CBFB: variants seen among roughly 807,000 people sequenced by gnomAD.
CBFB encodes CBF-beta.
A neutral mutation model predicts 30.4 loss-of-function variants in CBFB; 9 were observed. That is an observed-to-expected ratio of 0.30 (90% CI 0.18 to 0.52). The LOEUF is 0.52. Ranked by LOEUF, CBFB falls within the 20% of genes least tolerant of loss-of-function variation. The pLI is 0.97. For missense variants in CBFB, 170 were observed against 244.0 expected, an observed-to-expected ratio of 0.70 and a Z score of 2.02; for synonymous variants, 94 against 84.0, an observed-to-expected ratio of 1.12 and a Z score of -0.65.
At chr16:67,094,609 T>C (rs1277214709) in intron 5 of CBFB, among the ~76,000 whole-genome samples, 1 of 152,238 alleles carries the variant, frequency 6.6e-6, no homozygotes, top group African/African-American at 2.4e-5. Context: ...AGTAGTGATT[T>C]ATAAATATAT....
chr16:67,036,499 G>C (rs1966441963), intron 2 of CBFB, 140 bp from the exon 3 acceptor site: 1 of 573,530 alleles, frequency 1.7e-6, no homozygotes, highest in Non-Finnish European at 3.2e-6. Flanking sequence ...GAAAAATGAT[G>C]AGTGCATGTT....
chr16:67,030,455 T>G (rs1014351412), intron 2 of CBFB, among the ~76,000 whole-genome samples: 7 of 152,044 alleles, frequency 4.6e-5, no homozygotes, highest in African/African-American at 1.7e-4. Flanking sequence ...GGTCCTTGTT[T>G]TAGGAGGCAG....
chr16:67,062,332 C>A (rs1960935627), intron 3 of CBFB, among the ~76,000 whole-genome samples: 1 of 150,848 alleles, frequency 6.6e-6, no homozygotes, highest in Admixed American at 6.6e-5. Context: ...CCACGCCTGG[C>A]TAATTTTTGT....
At chr16:67,029,519 A>C (rs746278315) in intron 1 of CBFB, 34 bp downstream of exon 1, 1 of 1,561,984 alleles carries the variant, frequency 6.4e-7, no homozygotes, top group Admixed American at 1.8e-5. Flanking sequence ...AGGAGGCCGC[A>C]GCGCGCCCCG....
chr16:67,067,403 A>G (rs1008068590), intron 4 of CBFB, among the ~76,000 whole-genome samples: 1 of 152,182 alleles, frequency 6.6e-6, no homozygotes, highest in African/African-American at 2.4e-5. Flanking sequence ...CTGTAATCCC[A>G]GCTACTTGGG....
chr16:67,033,316 C>T (rs1269015955), intron 2 of CBFB, among the ~76,000 whole-genome samples: 1 of 152,180 alleles, frequency 6.6e-6, no homozygotes, highest in Admixed American at 6.5e-5. Flanking sequence ...AAAGTGAACA[C>T]AGGTCGAAGA....
At chr16:67,094,616 A>G (rs1025006755) in intron 5 of CBFB, among the ~76,000 whole-genome samples, 2 of 152,230 alleles carry the variant, frequency 1.3e-5, no homozygotes, top group African/African-American at 2.4e-5. Context: ...ATTTATAAAT[A>G]TATAATTAGG....
At chr16:67,082,159 T>G (rs963921786) in intron 4 of CBFB, 54 bp from the exon 5 acceptor site, 355 of 1,364,986 alleles carry the variant, frequency 2.6e-4, no homozygotes, top group Non-Finnish European at 3.4e-4. Context: ...AACCCAAATA[T>G]TGTATTTTTT....
At chr16:67,093,348 C>T (rs1304413754) in intron 5 of CBFB, 1 of 149,032 alleles carries the variant, frequency 6.7e-6, no homozygotes, top group East Asian at 1.9e-4. Flanking sequence ...GGGAATTTTC[C>T]CATGAAGAGT....
chr16:67,092,696 A>ATT lies in CBFB; in HGVS notation c.496-6013_496-6012insTT, dbSNP rs1162307047. 1.8e-4 allele frequency among the ~76,000 whole-genome samples: 17 copies of ATT among 94,680 alleles called. 1 individual carries two copies. The highest frequency in any genetic ancestry group is 7.2e-4 in the South Asian group (2 of 2,780). 62.1% of individuals were successfully genotyped at this position (94,680 alleles called of 152,430 possible). On this transcript the variant is annotated intron_variant, in intron 5 of 5. Coordinates refer to ENST00000412916, the MANE Select transcript of CBFB (RefSeq NM_022845.3). Reference sequence around the variant, plus strand: ...ACCCAGGCTAGGTTACAGTGGTGCAATCTTTTTTTTTTTTTTTTTTTTTTT... The same window carrying ATT: ...ACCCAGGCTAGGTTACAGTGGTGCAATTTCTTTTTTTTTTTTTTTTTTTTTTT...
Position 67,066,664 on chromosome 16 carries a change from T to C in CBFB, c.283-18T>C. On this transcript the variant is annotated intron_variant, in intron 3 of 5. Coordinates refer to ENST00000412916, the MANE Select transcript of CBFB (RefSeq NM_022845.3). ...GTCTGATGGTTTTCAATTATTTTCA[T>C]CCTTTTCTGTGTCTTAGGTATATTT... 1 of 1,320,882 alleles carries C rather than the reference T, an allele frequency of 7.6e-7. No homozygotes were observed. The highest frequency in any genetic ancestry group is 1.1e-6 in the Non-Finnish European group (1 of 917,326). 81.8% of individuals were successfully genotyped at this position (1,320,882 alleles called of 1,614,324 possible).
intron 4 of CBFB, among the ~76,000 whole-genome samples, chr16:67,077,505 C>T (rs575148246): frequency 2.6e-5 from 4 of 152,162 alleles, no homozygotes; most frequent in Non-Finnish European, 5.9e-5. Flanking sequence ...TTTGCAGCTG[C>T]ACATACTGAT....
intron 4 of CBFB, among the ~76,000 whole-genome samples, chr16:67,074,153 G>A (rs1449846139): frequency 3.5e-5 from 5 of 143,186 alleles, no homozygotes; most frequent in Non-Finnish European, 7.5e-5. Context: ...GGCATTAGAT[G>A]TAATACAAGG....
Position 67,100,202 on chromosome 16 carries a change from T to C in CBFB, c.*1424T>C, listed in dbSNP as rs1962179092. The C allele has an allele frequency of 4.7e-6, 1 of 213,312 alleles. No homozygotes were observed. Among genetic ancestry groups the C allele is most frequent in the African/African-American group, 2.3e-5 (1 of 44,290 alleles). The allele number at this position is 213,312 out of a possible 1,614,324, so 13.2% of individuals were successfully genotyped here. A position where few individuals can be genotyped will look rare whatever the true frequency, so the allele number is the denominator to read the frequency against. On this transcript the variant is annotated 3_prime_UTR_variant, in exon 6 of 6. Coordinates refer to ENST00000412916, the MANE Select transcript of CBFB (RefSeq NM_022845.3). Reference sequence around the variant, plus strand: ...AAATGTATTTTATCATTAAATGGCATTATTTTAAAGGGTGAAAAACTGACA... The same window carrying C: ...AAATGTATTTTATCATTAAATGGCACTATTTTAAAGGGTGAAAAACTGACA...
In CBFB at chr16:67,066,753, A is replaced by G; in HGVS notation, c.354A>G (p.Arg118=). 3 of 1,610,462 alleles carry G rather than the reference A, an allele frequency of 1.9e-6. No individual in the cohort carries two copies. The highest frequency in any genetic ancestry group is 2.5e-6 in the Non-Finnish European group (3 of 1,178,732). ...VIWKGWIDLQ[R]LDGMGCLEFD... The stretch of plus-strand genomic sequence containing the variant: ...GGAAAGGCTGGATTGATCTCCAAAG[A>G]CTGGATGGTATGGGCTGTCTGGAGT... Residue 118 remains arginine (R), a synonymous_variant, in exon 4 of 6, where the codon AGA becomes AGG. Transcript: ENST00000412916.
At chr16:67,038,177 A>G (rs140581507) in intron 3 of CBFB, among the ~76,000 whole-genome samples, 1 of 151,990 alleles carries the variant, frequency 6.6e-6, no homozygotes, top group Non-Finnish European at 1.5e-5. Flanking sequence ...CAACTTACTA[A>G]ATTAATTTTC....
At chr16:67,084,672 A>G (rs1294836140) in intron 5 of CBFB, among the ~76,000 whole-genome samples, 1 of 152,228 alleles carries the variant, frequency 6.6e-6, no homozygotes, top group East Asian at 1.9e-4. Flanking sequence ...TAAGTTTTTA[A>G]GTCAATGTTA....
chr16:67,097,049 A>G (rs1204948291), intron 5 of CBFB, among the ~76,000 whole-genome samples: 3 of 151,852 alleles, frequency 2.0e-5, no homozygotes, highest in Non-Finnish European at 2.9e-5. Flanking sequence ...AGCCCTGGCA[A>G]CATGGTGAAA....
chr16:67,085,958 T>C (rs966559946), intron 5 of CBFB, among the ~76,000 whole-genome samples: 1 of 152,144 alleles, frequency 6.6e-6, no homozygotes, highest in African/African-American at 2.4e-5. Context: ...GATTACAGGC[T>C]TGAGCCACTG....
Sources: gnomAD v4.1 joint callset for allele counts (sites outside exome capture counted in the v4.1 genomes callset) on GRCh38, gnomAD v4.1.1 for gene constraint, MANE v1.5 for transcripts, NCBI Gene and HGNC (gene_info 2026-07-23, HGNC 2026-07-21) for gene names.